KCNJ6: variants seen among roughly 807,000 people sequenced by gnomAD.
KCNJ6 encodes the protein G protein-activated inward rectifier potassium channel 2.
In KCNJ6, 9 loss-of-function variants were observed where a neutral mutation model predicts 34.2. The observed-to-expected ratio is 0.26, with a 90% CI of 0.16 to 0.46. The LOEUF (loss-of-function observed/expected upper bound fraction) is 0.46, where lower values mean the gene tolerates loss of function less well. Ranked by LOEUF, KCNJ6 falls within the 20% of genes least tolerant of loss-of-function variation. KCNJ6 has a pLI of 1.00. For missense variants in KCNJ6, 236 were observed against 531.3 expected (o/e 0.44, Z 5.46); for synonymous variants, 196 against 207.1 (o/e 0.95, Z 0.46).
chr21:37,839,611 G>A (rs2055468850), intron 2 of KCNJ6, among the ~76,000 whole-genome samples: 1 of 152,148 alleles, frequency 6.6e-6, no homozygotes, highest in Admixed American at 6.5e-5. Context: ...TGTTCATGGA[G>A]AAGTGTTCGT....
At chr21:37,754,403 AAC>A (rs1184077541) in intron 2 of KCNJ6, among the ~76,000 whole-genome samples, 2 of 152,230 alleles carry the variant, frequency 1.3e-5, no homozygotes, top group Non-Finnish European at 2.9e-5. Context: ...TTGTTAGCAG[AAC>A]ACAGAGTTGG....
chr21:37,911,874 T>C (rs1167366177), intron 1 of KCNJ6, among the ~76,000 whole-genome samples: 1 of 152,198 alleles, frequency 6.6e-6, no homozygotes, highest in African/African-American at 2.4e-5. Context: ...TAAGATTCCA[T>C]AAGGGTATTT....
chr21:37,857,611 T>A (rs2055571736), intron 1 of KCNJ6, among the ~76,000 whole-genome samples: 1 of 152,188 alleles, frequency 6.6e-6, no homozygotes, highest in Non-Finnish European at 1.5e-5. Flanking sequence ...AAGCCCGGAA[T>A]TAGACAGAAC....
rs1040327694 is a variant in KCNJ6 at position 37,623,772 on chromosome 21, T to C, written c.*1387A>G. ...GACATTTCTTAGACAATCATCAAGA[T>C]TGTTGATCTAATCTTTGAATACTGA... On this transcript the variant is annotated 3_prime_UTR_variant, in exon 4 of 4. Transcript: ENST00000609713. 1.3e-5 allele frequency: 2 copies of C among 152,226 alleles called. No homozygotes were observed. Among genetic ancestry groups the C allele is most frequent in the African/African-American group, 4.8e-5 (2 of 41,452 alleles). The allele number at this position is 152,226 out of a possible 1,614,324, so 9.4% of individuals were successfully genotyped here. A position where few individuals can be genotyped will look rare whatever the true frequency, so the allele number is the denominator to read the frequency against.
At chr21:37,898,801 T>C (rs2055802427) in intron 1 of KCNJ6, among the ~76,000 whole-genome samples, 1 of 152,150 alleles carries the variant, frequency 6.6e-6, no homozygotes, top group Non-Finnish European at 1.5e-5. Flanking sequence ...TTAGAAGAAC[T>C]GAATTGTTAT....
chr21:37,914,347 C>T (rs776276834), intron 1 of KCNJ6, among the ~76,000 whole-genome samples: 4 of 152,132 alleles, frequency 2.6e-5, no homozygotes, highest in African/African-American at 7.2e-5. Flanking sequence ...GAGGCTTCAC[C>T]CTCGGCGCCT....
At chr21:37,635,893 T>TA (rs1055485009) in intron 3 of KCNJ6, among the ~76,000 whole-genome samples, 41 of 152,378 alleles carry the variant, frequency 2.7e-4, no homozygotes, top group African/African-American at 9.6e-4. Context: ...AGTACTATAT[T>TA]AAAAAATCAC....
At chr21:37,910,380 A>G (rs1230346459) in intron 1 of KCNJ6, among the ~76,000 whole-genome samples, 2 of 152,234 alleles carry the variant, frequency 1.3e-5, no homozygotes, top group Non-Finnish European at 2.9e-5. Context: ...TTAAAGCATC[A>G]TGAAAAAAAT....
At chr21:37,870,525 C>G (rs766425656) in intron 1 of KCNJ6, among the ~76,000 whole-genome samples, 1 of 151,854 alleles carries the variant, frequency 6.6e-6, no homozygotes, top group South Asian at 2.1e-4. Context: ...TTGCTTTCAG[C>G]ACTGTTAGAA....
At chr21:37,706,699 T>C (rs2123442684) in intron 3 of KCNJ6, among the ~76,000 whole-genome samples, 1 of 152,362 alleles carries the variant, frequency 6.6e-6, no homozygotes, top group African/African-American at 2.4e-5. Flanking sequence ...CAGAGAATAA[T>C]GAAATTGGCT....
chr21:37,908,122 C>T (rs1232731316), intron 1 of KCNJ6, among the ~76,000 whole-genome samples: 1 of 152,188 alleles, frequency 6.6e-6, no homozygotes, highest in Non-Finnish European at 1.5e-5. Context: ...ATGTATGTGG[C>T]TGTGATATCT....
chr21:37,813,178 A>C (rs768318437), intron 2 of KCNJ6, among the ~76,000 whole-genome samples: 1 of 152,186 alleles, frequency 6.6e-6, no homozygotes, highest in Non-Finnish European at 1.5e-5. Flanking sequence ...GCCACATATA[A>C]AATTAAATTA....
chr21:37,771,564 T>C (rs1437439059), intron 2 of KCNJ6, among the ~76,000 whole-genome samples: 1 of 152,168 alleles, frequency 6.6e-6, no homozygotes, highest in African/African-American at 2.4e-5. Flanking sequence ...GACTTTCTAG[T>C]GGGTGTGTGG....
chr21:37,683,800 A>G (rs2054600506), intron 3 of KCNJ6, among the ~76,000 whole-genome samples: 1 of 152,136 alleles, frequency 6.6e-6, no homozygotes, highest in Non-Finnish European at 1.5e-5. Flanking sequence ...GGTGCGTCCC[A>G]GGGGAAGGAG....
chr21:37,815,134 G>T (rs1007335755), intron 2 of KCNJ6, among the ~76,000 whole-genome samples: 1 of 151,986 alleles, frequency 6.6e-6, no homozygotes, highest in African/African-American at 2.4e-5. Context: ...TGGGAGGCTG[G>T]GGGGAGATGG....
At chr21:37,810,555 T>C (rs950817092) in intron 2 of KCNJ6, among the ~76,000 whole-genome samples, 1 of 152,232 alleles carries the variant, frequency 6.6e-6, no homozygotes, top group Non-Finnish European at 1.5e-5. Context: ...TGTCAAGGTA[T>C]AGAATCTTGG....
At chr21:37,900,323 G>A (rs906815429) in intron 1 of KCNJ6, among the ~76,000 whole-genome samples, 1 of 152,130 alleles carries the variant, frequency 6.6e-6, no homozygotes, top group African/African-American at 2.4e-5. Context: ...AAATCCACAG[G>A]AAGTATGTTT....
At chr21:37,762,063 T>A (rs2055068150) in intron 2 of KCNJ6, among the ~76,000 whole-genome samples, 1 of 152,154 alleles carries the variant, frequency 6.6e-6, no homozygotes. Context: ...GTCTGTCAGC[T>A]GTTTGCTGCT....
intron 2 of KCNJ6, among the ~76,000 whole-genome samples, chr21:37,750,784 C>T (rs1443631281): frequency 2.6e-5 from 4 of 152,088 alleles, no homozygotes; most frequent in Admixed American, 1.3e-4. Context: ...ATGTAGATGA[C>T]GGGTTGATGG....
Sources: gnomAD v4.1 joint callset for allele counts (sites outside exome capture counted in the v4.1 genomes callset) on GRCh38, gnomAD v4.1.1 for gene constraint, MANE v1.5 for transcripts, NCBI Gene and HGNC (gene_info 2026-07-23, HGNC 2026-07-21) for gene names.